HIP1R: variants seen among roughly 807,000 people sequenced by gnomAD.
HIP1R encodes the protein huntingtin-interacting protein 1-related protein.
Under a neutral mutation model 144.2 loss-of-function variants are expected in HIP1R, and 135 were observed. The ratio of observed to expected loss-of-function variants is 0.94; its 90% confidence interval spans 0.81 to 1.08. The LOEUF is 1.08. HIP1R is among the 50% of genes least tolerant of loss of function. The probability of loss-of-function intolerance (pLI) is 0.00; values close to 1 mark genes in which losing one functional copy is unlikely to be tolerated. For missense variants in HIP1R, 1,462 were observed against 1,432.8 expected (o/e 1.02, Z -0.33); for synonymous variants, 698 against 612.8 (o/e 1.14, Z -2.05).
At chr12:122,844,798 G>A (rs1367671756) in intron 1 of HIP1R, among the ~76,000 whole-genome samples, 1 of 152,200 alleles carries the variant, frequency 6.6e-6, no homozygotes, top group Non-Finnish European at 1.5e-5. Flanking sequence ...AGGCTGCGCT[G>A]CCCTGAAGGG....
At chr12:122,845,521 G>T (rs1277144737) in intron 1 of HIP1R, among the ~76,000 whole-genome samples, 1 of 152,208 alleles carries the variant, frequency 6.6e-6, no homozygotes, top group African/African-American at 2.4e-5. Context: ...TGTGCCCAAG[G>T]CATGCCCCGT....
Position 122,855,388 on chromosome 12 carries a change from C to A in HIP1R, c.976C>A (p.Pro326Thr). 1 of 1,574,942 alleles carries A rather than the reference C, an allele frequency of 6.3e-7. No individual in the cohort carries two copies. The highest frequency in any genetic ancestry group is 8.6e-7 in the Non-Finnish European group (1 of 1,161,730). Residue 326 changes from proline (P) to threonine (T), a missense_variant, in exon 11 of 32, where the codon CCC becomes ACC. Transcript: ENST00000253083. Reference sequence around the variant, plus strand: ...TCTCATTGAGATCAGCACAGGGCCCCCCGCGGGGGAGCCAGTGGTGAGCCC... The same window carrying A: ...TCTCATTGAGATCAGCACAGGGCCCACCGCGGGGGAGCCAGTGGTGAGCCC... ...ENLIEISTGP[P>T]AGEPVVVADL...
At position 122,855,261 on chromosome 12, in the gene HIP1R, G is replaced by A. The variant is rs2033530828; in HGVS notation, c.853-4G>A. ...TGAGCAGGTCCCACCTGCCGCCCCT[G>A]CAGGGACCCCCTAACTTCCTGCGGG... On this transcript the variant is annotated splice_polypyrimidine_tract_variant and splice_region_variant and intron_variant, in intron 10 of 31. Coordinates refer to ENST00000253083, the MANE Select transcript of HIP1R (RefSeq NM_003959.3). 6.2e-7 allele frequency: 1 copy of A among 1,612,720 alleles called. No individual in the cohort carries two copies. The highest frequency in any genetic ancestry group is 8.5e-7 in the Non-Finnish European group (1 of 1,179,846).
chr12:122,853,970 A>C lies in HIP1R; in HGVS notation c.578-73A>C. 3 of 1,523,198 alleles carry C rather than the reference A, an allele frequency of 2.0e-6. No homozygotes were observed. The South Asian group carries it at 3.8e-5, about 19-fold the overall frequency. The allele number at this position is 1,523,198 out of a possible 1,614,324, so 94.4% of individuals were successfully genotyped here. A position where few individuals can be genotyped will look rare whatever the true frequency, so the allele number is the denominator to read the frequency against. ...GGGAGCTGGCTTAGGGCCCTGCTTCACAGTTGGACCACCTTGGACAGGTTG... is the reference window on the plus strand; with the variant it reads ...GGGAGCTGGCTTAGGGCCCTGCTTCCCAGTTGGACCACCTTGGACAGGTTG... On this transcript the variant is annotated intron_variant, in intron 7 of 31. Coordinates refer to ENST00000253083, the MANE Select transcript of HIP1R (RefSeq NM_003959.3).
In HIP1R at chr12:122,860,711, G is replaced by A; in HGVS notation, c.2693G>A (p.Gly898Asp). The change falls in exon 28 of 32, where the codon GGC becomes GAC. Residue 898 changes from glycine (G) to aspartate (D), a missense_variant. By Grantham distance (94) the Gly-to-Asp change is moderately conservative. This residue lies in a region of HIP1R where 1,112 missense variants were observed against 1,011.7 expected (regional missense o/e 1.10). Coordinates refer to ENST00000253083, the MANE Select transcript of HIP1R (RefSeq NM_003959.3). ...EAADKVVLHTGKYEELIVCSH... is the reference protein window; with the variant it reads ...EAADKVVLHTDKYEELIVCSH... ...GCTGACAAGGTGGTGCTTCACACGG[G>A]CAAGTATGAGGAGCTCATCGTCTGC... is the stretch of plus-strand genomic sequence containing the variant. 1 of 1,613,364 alleles carries A rather than the reference G, an allele frequency of 6.2e-7. No individual in the cohort carries two copies. Among genetic ancestry groups the A allele is most frequent in the Non-Finnish European group, 8.5e-7 (1 of 1,179,962 alleles).
chr12:122,844,250 GC>G (rs2033145671), intron 1 of HIP1R, among the ~76,000 whole-genome samples: 1 of 152,118 alleles, frequency 6.6e-6, no homozygotes, highest in South Asian at 2.1e-4. Flanking sequence ...GCCATTCTCA[GC>G]CTTCTAAGTA....
Position 122,835,649 on chromosome 12 carries a change from C to A in HIP1R, c.93+6C>A. On this transcript the variant is annotated splice_donor_region_variant and intron_variant, in intron 1 of 31. Coordinates refer to ENST00000253083, the MANE Select transcript of HIP1R (RefSeq NM_003959.3). ...AGCAGTTCGACAAGACCCAGGCGAG[C>A]GGGCGGCGGGCGGCGGGCGGCGGGC... 1 of 839,646 alleles carries A rather than the reference C, an allele frequency of 1.2e-6. No homozygotes were observed. The allele number at this position is 839,646 out of a possible 1,614,324, so 52.0% of individuals were successfully genotyped here. A position where few individuals can be genotyped will look rare whatever the true frequency, so the allele number is the denominator to read the frequency against.
chr12:122,854,438 CG>C (rs2033499667), intron 8 of HIP1R, among the ~76,000 whole-genome samples: 1 of 151,744 alleles, frequency 6.6e-6, no homozygotes, highest in Admixed American at 6.6e-5. Context: ...TCGGCCAAGA[CG>C]GAGGCCCCAG....
chr12:122,851,426 A>G, intron 7 of HIP1R, 129 bp downstream of exon 7: 1 of 682,194 alleles, frequency 1.5e-6, no homozygotes, highest in Non-Finnish European at 2.2e-6. Flanking sequence ...GGCCAGCCGC[A>G]GTGGCTCACA....
chr12:122,847,502 G>A (rs1410106678), intron 1 of HIP1R, among the ~76,000 whole-genome samples: 1 of 152,250 alleles, frequency 6.6e-6, no homozygotes, highest in Non-Finnish European at 1.5e-5. Flanking sequence ...CCACCCAGGA[G>A]AGGGGCAGCC....
intron 2 of HIP1R, 136 bp downstream of exon 2, chr12:122,848,230 C>A: frequency 1.0e-6 from 1 of 999,334 alleles, no homozygotes; most frequent in Non-Finnish European, 1.5e-6. Flanking sequence ...TCCTGTGCAG[C>A]TTGGCTCCTT....
chr12:122,861,062 G>T (rs1380761381), intron 29 of HIP1R, 23 bp downstream of exon 29: 1 of 1,613,478 alleles, frequency 6.2e-7, no homozygotes, highest in African/African-American at 1.3e-5. Flanking sequence ...TGCCAACGGG[G>T]GCTGCTGGCT....
intron 18 of HIP1R, 77 bp from the exon 19 acceptor site, chr12:122,858,025 T>C: frequency 7.4e-7 from 1 of 1,358,722 alleles, no homozygotes; most frequent in Non-Finnish European, 9.9e-7. Context: ...TGGTGGCCCA[T>C]GGGTCATTCC....
In HIP1R at chr12:122,856,093, C is replaced by G; in HGVS notation, c.1242C>G (p.His414Gln). 6.3e-7 allele frequency: 1 copy of G among 1,585,824 alleles called. No individual in the cohort carries two copies. The highest frequency in any genetic ancestry group is 8.6e-7 in the Non-Finnish European group (1 of 1,166,436). ...KALVDNEQLR[H>Q]ELAQLRAAQL... ...TGGTGGATAATGAGCAGCTCCGCCA[C>G]GAGCTGGCCCAGCTGAGGGCTGCCC... Residue 414 changes from histidine to glutamine, a missense_variant, in exon 14 of 32, where the codon CAC (histidine) becomes CAG (glutamine). Transcript: ENST00000253083.
At position 122,855,849 on chromosome 12, in the gene HIP1R, C is replaced by T. The variant is rs2033553109; in HGVS notation, c.1074C>T (p.Ser358=). 6.8e-7 allele frequency: 1 copy of T among 1,479,814 alleles called. No homozygotes were observed. The highest frequency in any genetic ancestry group is 9.1e-7 in the Non-Finnish European group (1 of 1,101,916). The allele number at this position is 1,479,814 out of a possible 1,614,324, so 91.7% of individuals were successfully genotyped here. A position where few individuals can be genotyped will look rare whatever the true frequency, so the allele number is the denominator to read the frequency against. Residue 358 remains serine (S), a synonymous_variant, in exon 13 of 32, where the codon AGC becomes AGT. Transcript: ENST00000253083. ...TCCCCAGGGACCTCCAGATTGAGAG[C>T]TTGAAGAGAGAGGTGGAAATGCTCC... ...VKDDRDLQIE[S]LKREVEMLRS...
chr12:122,861,096 GC>G (rs2033756089), intron 29 of HIP1R, 34 bp from the exon 30 acceptor site: 1 of 1,613,516 alleles, frequency 6.2e-7, no homozygotes, highest in Non-Finnish European at 8.5e-7. Flanking sequence ...GGGGGTGGGT[GC>G]CCAGATGTTC....
chr12:122,852,112 T>C (rs1452784393), intron 7 of HIP1R, among the ~76,000 whole-genome samples: 1 of 152,162 alleles, frequency 6.6e-6, no homozygotes, highest in Non-Finnish European at 1.5e-5. Context: ...AACTCATGGG[T>C]GACTCAGTGC....
chr12:122,858,815 C>T, intron 20 of HIP1R, 23 bp from the exon 21 acceptor site: 1 of 1,565,880 alleles, frequency 6.4e-7, no homozygotes, highest in South Asian at 1.1e-5. Flanking sequence ...CTCCCCCAAC[C>T]TTGGCCCCAC....
At chr12:122,843,067 G>A (rs1204831569) in intron 1 of HIP1R, among the ~76,000 whole-genome samples, 1 of 152,230 alleles carries the variant, frequency 6.6e-6, no homozygotes, top group Non-Finnish European at 1.5e-5. Flanking sequence ...CTTGAGATTT[G>A]AACAAATCCT....
Sources: allele counts gnomAD v4.1 joint callset (sites outside exome capture counted in the v4.1 genomes callset), GRCh38; gene constraint gnomAD v4.1.1; regional missense constraint gnomAD v4.1.1; transcripts MANE v1.5; gene names NCBI Gene and HGNC (gene_info 2026-07-23, HGNC 2026-07-21).